The following THSD7B variants were observed in gnomAD, a reference collection of about 807,000 sequenced individuals.
THSD7B encodes thrombospondin type-1 domain-containing protein 7B.
In THSD7B, 138 loss-of-function variants were observed where a neutral mutation model predicts 213.6. The observed-to-expected ratio is 0.65, with a 90% CI of 0.56 to 0.74. The LOEUF (loss-of-function observed/expected upper bound fraction) is 0.74, where lower values mean the gene tolerates loss of function less well. Ranked by LOEUF, THSD7B falls within the 30% of genes least tolerant of loss-of-function variation. THSD7B has a pLI of 0.00. For synonymous variants in THSD7B, 742 were observed against 687.0 expected (o/e 1.08, Z -1.25); for missense variants, 1,931 against 1,991.5 (o/e 0.97, Z 0.58).
chr2:136,899,876 G>A (rs1273225663), intron 2 of THSD7B, among the ~76,000 whole-genome samples: 1 of 152,158 alleles, frequency 6.6e-6, no homozygotes. Flanking sequence ...ATGCTTAGCT[G>A]GCAGGTTCAA....
At chr2:136,990,965 A>G (rs770576574) in intron 2 of THSD7B, 1 of 1,325,146 alleles carries the variant, frequency 7.5e-7, no homozygotes, top group Non-Finnish European at 1.0e-6. Flanking sequence ...GATGTGGGAA[A>G]GACATCAAAA....
chr2:137,214,280 C>T (rs6430691), intron 7 of THSD7B, among the ~76,000 whole-genome samples: 90,765 of 151,934 alleles, frequency 0.6, 27,528 homozygotes, highest in South Asian at 0.71. Flanking sequence ...CTTATGTTTA[C>T]AACATCAAGT....
intron 17 of THSD7B, among the ~76,000 whole-genome samples, chr2:137,582,077 G>A (rs1346690251): frequency 4.6e-5 from 7 of 151,928 alleles, no homozygotes; most frequent in Non-Finnish European, 1.0e-4. Flanking sequence ...CTGCACTGCA[G>A]CCTGGATGAC....
chr2:137,271,621 T>C (rs1682741856), intron 10 of THSD7B, among the ~76,000 whole-genome samples: 1 of 151,708 alleles, frequency 6.6e-6, no homozygotes, highest in Non-Finnish European at 1.5e-5. Flanking sequence ...GTTTCTTCTA[T>C]ACCCACCTAG....
At chr2:137,375,960 A>C (rs1685644536) in intron 12 of THSD7B, among the ~76,000 whole-genome samples, 2 of 152,234 alleles carry the variant, frequency 1.3e-5, no homozygotes, top group Admixed American at 1.3e-4. Flanking sequence ...TTGTAGAAAA[A>C]GGAAAGTTCC....
chr2:137,481,193 C>T (rs1688299202), intron 15 of THSD7B, among the ~76,000 whole-genome samples: 1 of 152,186 alleles, frequency 6.6e-6, no homozygotes. Flanking sequence ...TGCCCAGTCT[C>T]AGGTATTTCG....
intron 12 of THSD7B, among the ~76,000 whole-genome samples, chr2:137,297,668 G>C (rs1421321996): frequency 6.6e-6 from 1 of 152,050 alleles, no homozygotes; most frequent in Non-Finnish European, 1.5e-5. Flanking sequence ...GGGACCTAGT[G>C]GGAGGTAATT....
intron 1 of THSD7B, among the ~76,000 whole-genome samples, chr2:136,789,137 C>T (rs1024416498): frequency 6.6e-6 from 1 of 151,934 alleles, no homozygotes; most frequent in Non-Finnish European, 1.5e-5. Flanking sequence ...GATATTATTG[C>T]AAGGATTGAA....
At chr2:137,012,837 A>G (rs188492280) in intron 2 of THSD7B, among the ~76,000 whole-genome samples, 22 of 152,352 alleles carry the variant, frequency 1.4e-4, no homozygotes, top group Admixed American at 1.3e-3. Flanking sequence ...TACTTTGTCA[A>G]AAATAAACTT....
rs75209487 is a variant in THSD7B at position 137,191,614 on chromosome 2, C to T, written c.1723+20676C>T. On this transcript the variant is annotated intron_variant, in intron 7 of 27. Coordinates refer to ENST00000409968, the MANE Select transcript of THSD7B (RefSeq NM_001316349.2). ...CTTTATTTAACACTATTCCATCAAC[C>T]TGGAGCATACCCTAGACCATGGCCC... Among the ~76,000 whole-genome samples the T allele has an allele frequency of 7.3e-3, 1,111 of 152,136 alleles. 14 individuals carry two copies. Among genetic ancestry groups the T allele is most frequent in the African/African-American group, 0.025 (1,022 of 41,506 alleles).
intron 2 of THSD7B, among the ~76,000 whole-genome samples, chr2:136,920,129 A>G (rs985012842): frequency 6.6e-6 from 1 of 152,208 alleles, no homozygotes; most frequent in African/African-American, 2.4e-5. Flanking sequence ...TTTATGTTAC[A>G]GCTCTTTCAG....
At chr2:137,320,438 C>T (rs1340032505) in intron 12 of THSD7B, among the ~76,000 whole-genome samples, 1 of 152,046 alleles carries the variant, frequency 6.6e-6, no homozygotes, top group East Asian at 1.9e-4. Context: ...TATCATACAC[C>T]TTAGTAAGAT....
Position 137,602,903 on chromosome 2 carries a change from C to G in THSD7B, c.3424-13272C>G, listed in dbSNP as rs547899430. On this transcript the variant is annotated intron_variant, in intron 17 of 27. Coordinates refer to ENST00000409968, the MANE Select transcript of THSD7B (RefSeq NM_001316349.2). ...TTCTCTCTGTGCCACATGTCTGTAT[C>G]TACCATCCACAATGACCCTGCCTTA... Among the ~76,000 whole-genome samples, 13 of 152,290 alleles carry G rather than the reference C, an allele frequency of 8.5e-5. No individual in the cohort carries two copies. In the East Asian group the frequency reaches 2.5e-3, roughly 29 times the overall value.
intron 15 of THSD7B, among the ~76,000 whole-genome samples, chr2:137,469,568 C>T (rs527976359): frequency 6.6e-6 from 1 of 152,266 alleles, no homozygotes; most frequent in South Asian, 2.1e-4. Flanking sequence ...AATCACTTTG[C>T]ATCCCTCCTC....
intron 1 of THSD7B, among the ~76,000 whole-genome samples, chr2:136,785,026 G>T (rs555072653): frequency 6.6e-6 from 1 of 152,172 alleles, no homozygotes; most frequent in East Asian, 1.9e-4. Flanking sequence ...TTCAATTCTG[G>T]ACATTACTAC....
At chr2:136,851,117 G>C (rs947156480) in intron 1 of THSD7B, among the ~76,000 whole-genome samples, 1 of 151,912 alleles carries the variant, frequency 6.6e-6, no homozygotes, top group African/African-American at 2.4e-5. Flanking sequence ...CAGTTTTTCT[G>C]TATATCTAAA....
chr2:137,585,805 T>C (rs1328420029), intron 17 of THSD7B, among the ~76,000 whole-genome samples: 1 of 152,214 alleles, frequency 6.6e-6, no homozygotes, highest in East Asian at 1.9e-4. Flanking sequence ...CTGAGAAGAA[T>C]GTATATTCTG....
chr2:137,452,113 A>G, intron 15 of THSD7B: 1 of 732,168 alleles, frequency 1.4e-6, no homozygotes. Flanking sequence ...TATAAAAGAC[A>G]TATAACTCAC....
intron 12 of THSD7B, among the ~76,000 whole-genome samples, chr2:137,404,430 GATATATAT>G (rs59001356): frequency 0.19 from 9,532 of 49,072 alleles, 1,056 homozygotes; most frequent in Non-Finnish European, 0.24. Flanking sequence ...GAAACTCTGA[GATATATAT>G]ATATATATAT....
Sources: allele counts gnomAD v4.1 joint callset (sites outside exome capture counted in the v4.1 genomes callset), GRCh38; gene constraint gnomAD v4.1.1; transcripts MANE v1.5; gene names NCBI Gene and HGNC (gene_info 2026-07-23, HGNC 2026-07-21).